Variants in MAML2 observed in about 807,000 individuals in gnomAD.
MAML2 encodes the protein mastermind like transcriptional coactivator 2.
A neutral mutation model predicts 96.1 loss-of-function variants in MAML2; 22 were observed. That is an observed-to-expected ratio of 0.23 (90% CI 0.16 to 0.33). The LOEUF (loss-of-function observed/expected upper bound fraction) is 0.33. Ranked by LOEUF, MAML2 falls within the 10% of genes least tolerant of loss-of-function variation. MAML2 has a pLI of 1.00. For missense variants in MAML2, 1,367 were observed against 1,392.4 expected, an observed-to-expected ratio of 0.98 and a Z score of 0.29; for synonymous variants, 561 against 521.3, an observed-to-expected ratio of 1.08 and a Z score of -1.04.
intron 1 of MAML2, among the ~76,000 whole-genome samples, chr11:96,190,337 G>C (rs1163910215): frequency 6.6e-6 from 1 of 152,176 alleles, no homozygotes; most frequent in African/African-American, 2.4e-5. Context: ...ACTTGTCCCA[G>C]GGAAGGTTAA....
chr11:96,073,089 A>C (rs899477146), intron 2 of MAML2, among the ~76,000 whole-genome samples: 2 of 152,210 alleles, frequency 1.3e-5, no homozygotes, highest in Non-Finnish European at 2.9e-5. Context: ...TATTTAATTT[A>C]CACAATGAAA....
Position 96,342,928 on chromosome 11 carries a change from CGA to C in MAML2, c.-1035_-1034del, listed in dbSNP as rs1478956919. Reference sequence around the variant, plus strand: ...CTTACAAACTTCCAGCAAATTGCACCGAGTCATGTCCAGCCACTTTTCTGTCC... The same window carrying C: ...CTTACAAACTTCCAGCAAATTGCACCGTCATGTCCAGCCACTTTTCTGTCC... On this transcript the variant is annotated 5_prime_UTR_variant, in exon 1 of 5. An upstream open reading frame in the 5' UTR loses its in-frame stop. Transcript: ENST00000524717. 1 of 378,794 alleles carries C rather than the reference CGA, an allele frequency of 2.6e-6. No homozygotes were observed. The highest frequency in any genetic ancestry group is 2.1e-5 in the African/African-American group (1 of 48,282). 23.5% of individuals were successfully genotyped at this position (378,794 alleles called of 1,614,324 possible).
At chr11:96,147,099 T>C (rs1360286768) in intron 1 of MAML2, among the ~76,000 whole-genome samples, 1 of 152,250 alleles carries the variant, frequency 6.6e-6, no homozygotes, top group East Asian at 1.9e-4. Context: ...GTGTACTTAG[T>C]ATCTGGCTCA....
At chr11:96,296,356 G>A (rs940298709) in intron 1 of MAML2, among the ~76,000 whole-genome samples, 12 of 152,086 alleles carry the variant, frequency 7.9e-5, no homozygotes, top group Admixed American at 7.9e-4. Flanking sequence ...ATAAAAATAA[G>A]AAGGGAGGCC....
At chr11:96,145,834 C>A (rs918319736) in intron 1 of MAML2, among the ~76,000 whole-genome samples, 4 of 152,086 alleles carry the variant, frequency 2.6e-5, no homozygotes, top group African/African-American at 9.7e-5. Flanking sequence ...ATGGCGAAAC[C>A]CCGTCTCTAC....
intron 1 of MAML2, among the ~76,000 whole-genome samples, chr11:96,226,115 C>G (rs1441800600): frequency 6.6e-6 from 1 of 152,184 alleles, no homozygotes; most frequent in African/African-American, 2.4e-5. Context: ...TTTTTAAAGG[C>G]TCAATATCCT....
chr11:96,035,403 C>A (rs1467806767), intron 2 of MAML2, among the ~76,000 whole-genome samples: 2 of 152,244 alleles, frequency 1.3e-5, no homozygotes, highest in African/African-American at 4.8e-5. Flanking sequence ...ACAATCTGCT[C>A]TGCCTAGATC....
At chr11:96,210,299 G>A (rs749424199) in intron 1 of MAML2, among the ~76,000 whole-genome samples, 3 of 152,002 alleles carry the variant, frequency 2.0e-5, no homozygotes, top group Non-Finnish European at 4.4e-5. Context: ...TGTAGAGATG[G>A]GGTTTCACCA....
At chr11:96,214,842 TA>T (rs1224197160) in intron 1 of MAML2, among the ~76,000 whole-genome samples, 1 of 152,194 alleles carries the variant, frequency 6.6e-6, no homozygotes, top group African/African-American at 2.4e-5. Flanking sequence ...TCCATTTGTT[TA>T]AAAATGCCAA....
In MAML2 at chr11:96,316,752, A is replaced by AAGG. The variant is rs373504662; in HGVS notation, c.513+24628_513+24630dup. On this transcript the variant is annotated intron_variant, in intron 1 of 4. Coordinates refer to ENST00000524717, the MANE Select transcript of MAML2 (RefSeq NM_032427.4). The stretch of plus-strand genomic sequence containing the variant: ...TAGGATGTAAACAATTGTATGTTGA[A>AAGG]AGGTGTTAACTTTTGTTGCTGTACT... Among the ~76,000 whole-genome samples the AAGG allele has an allele frequency of 5.7e-3, 873 of 152,284 alleles. 12 individuals are homozygous for AAGG. Among genetic ancestry groups the AAGG allele is most frequent in the African/African-American group, 0.02 (837 of 41,530 alleles).
At chr11:96,290,068 A>C (rs1863188936) in intron 1 of MAML2, among the ~76,000 whole-genome samples, 1 of 152,180 alleles carries the variant, frequency 6.6e-6, no homozygotes, top group Non-Finnish European at 1.5e-5. Context: ...GAGAATGAAC[A>C]TTGAGTATCT....
At chr11:96,171,105 C>T (rs1229004633) in intron 1 of MAML2, among the ~76,000 whole-genome samples, 1 of 151,952 alleles carries the variant, frequency 6.6e-6, no homozygotes. Flanking sequence ...CTCTTACCTC[C>T]ACCTCTTTTC....
intron 3 of MAML2, among the ~76,000 whole-genome samples, chr11:95,987,076 C>T (rs900721884): frequency 2.0e-5 from 3 of 152,036 alleles, no homozygotes; most frequent in Non-Finnish European, 4.4e-5. Context: ...TGAGTGATTT[C>T]GGAAGAGTCT....
Position 96,192,671 on chromosome 11 carries a change from T to C in MAML2, c.514-99154A>G, listed in dbSNP as rs143359191. The stretch of plus-strand genomic sequence containing the variant: ...AATTTGTCTATATGCTAGCATTCCT[T>C]GGAATGACGCCTTCTAACTACTCTC... On this transcript the variant is annotated intron_variant, in intron 1 of 4. Transcript: ENST00000524717. 1.7e-3 allele frequency among the ~76,000 whole-genome samples: 262 copies of C among 152,352 alleles called. 1 individual carries two copies. Among genetic ancestry groups the C allele is most frequent in the Non-Finnish European group, 3.4e-3 (229 of 68,028 alleles).
rs1450694313 is a variant in MAML2, at chr11:96,166,185, A to T, written c.514-72668T>A. 9.5e-4 allele frequency among the ~76,000 whole-genome samples: 139 copies of T among 145,766 alleles called. 2 individuals are homozygous for T. The East Asian group carries it at 0.014, about 14-fold the overall frequency. ...CTCTCTCTCTCTCTCTCTCACACAC[A>T]CACACACACACACACACACACACAC... is the stretch of plus-strand genomic sequence containing the variant. On this transcript the variant is annotated intron_variant, in intron 1 of 4. Transcript: ENST00000524717.
At chr11:96,130,152 G>T (rs757570142) in intron 1 of MAML2, among the ~76,000 whole-genome samples, 3 of 152,180 alleles carry the variant, frequency 2.0e-5, no homozygotes, top group Non-Finnish European at 2.9e-5. Context: ...TATCTTCCTG[G>T]CATTTGCTGT....
At chr11:96,052,420 A>G (rs996450528) in intron 2 of MAML2, among the ~76,000 whole-genome samples, 1 of 152,228 alleles carries the variant, frequency 6.6e-6, no homozygotes, top group African/African-American at 2.4e-5. Flanking sequence ...ATTAATGCTT[A>G]TCAAGCTAAG....
At chr11:95,983,956 T>C (rs1381842276) in intron 4 of MAML2, among the ~76,000 whole-genome samples, 4 of 152,310 alleles carry the variant, frequency 2.6e-5, no homozygotes, top group Middle Eastern at 3.4e-3. Context: ...TCCACAGTAG[T>C]GTACAGTGAT....
At chr11:96,107,845 G>A (rs895698745) in intron 1 of MAML2, among the ~76,000 whole-genome samples, 2 of 152,172 alleles carry the variant, frequency 1.3e-5, no homozygotes, top group African/African-American at 4.8e-5. Flanking sequence ...CTAGAGGTAG[G>A]GCACCCAGGG....
Sources: gnomAD v4.1 joint callset for allele counts (sites outside exome capture counted in the v4.1 genomes callset) on GRCh38, gnomAD v4.1.1 for gene constraint, MANE v1.5 for transcripts, NCBI Gene and HGNC (gene_info 2026-07-23, HGNC 2026-07-21) for gene names.